Variants in OR8H1 observed in about 807,000 individuals in gnomAD.
OR8H1 encodes olfactory receptor family 8 subfamily H member 1, also known as olfactory receptor 8H1.
For synonymous variants in OR8H1, 135 were observed against 134.5 expected (o/e 1.00, Z -0.03); for missense variants, 388 against 374.1 (o/e 1.04, Z -0.31).
rs139389168 is a variant in OR8H1, at chr11:56,290,797, T to C, written c.266A>G (p.Asn89Ser). Residue 89 changes from asparagine to serine, a missense_variant, in exon 2 of 2, where the codon AAC becomes AGC. By Grantham distance (46) the Asn-to-Ser change is conservative. Coordinates refer to ENST00000641600, the MANE Select transcript of OR8H1 (RefSeq NM_001005199.2). ...PKTLANLLTS[N>S]YISFMGCFAQ... ...AAAGCAGCCCATGAAGGAAATATAG[T>C]TGGAAGTCAGTAAGTTCGCTAAGGT... 13 of 1,613,954 alleles carry C rather than the reference T, an allele frequency of 8.1e-6. No homozygotes were observed. The African/African-American group carries it at 1.6e-4, about 20-fold the overall frequency.
At chr11:56,291,690 C>A (rs1386905477) in intron 1 of OR8H1, among the ~76,000 whole-genome samples, 3 of 151,640 alleles carry the variant, frequency 2.0e-5, no homozygotes, top group Non-Finnish European at 4.4e-5. Context: ...AATTATAGAC[C>A]ATATATAAGT....
chr11:56,290,026 A>G lies in OR8H1; in HGVS notation c.*101T>C. Reference sequence around the variant, plus strand: ...CAAAGGTTAGCACAACAGAAATGCAAACATGAAGGATTCAATTGTTTTTAT... The same window carrying G: ...CAAAGGTTAGCACAACAGAAATGCAGACATGAAGGATTCAATTGTTTTTAT... On this transcript the variant is annotated 3_prime_UTR_variant, in exon 2 of 2. Coordinates refer to ENST00000641600, the MANE Select transcript of OR8H1 (RefSeq NM_001005199.2). 1 of 972,074 alleles carries G rather than the reference A, an allele frequency of 1.0e-6. No homozygotes were observed. The highest frequency in any genetic ancestry group is 1.7e-6 in the Non-Finnish European group (1 of 597,498). 60.2% of individuals were successfully genotyped at this position (972,074 alleles called of 1,614,324 possible).
chr11:56,290,034 G>A lies in OR8H1; in HGVS notation c.*93C>T, dbSNP rs1481907259. 2 of 1,006,850 alleles carry A rather than the reference G, an allele frequency of 2.0e-6. No homozygotes were observed. Among genetic ancestry groups the A allele is most frequent in the African/African-American group, 1.6e-5 (1 of 63,198 alleles). The allele number at this position is 1,006,850 out of a possible 1,614,324, so 62.4% of individuals were successfully genotyped here. A position where few individuals can be genotyped will look rare whatever the true frequency, so the allele number is the denominator to read the frequency against. On this transcript the variant is annotated 3_prime_UTR_variant, in exon 2 of 2. Coordinates refer to ENST00000641600, the MANE Select transcript of OR8H1 (RefSeq NM_001005199.2). ...AGCACAACAGAAATGCAAACATGAA[G>A]GATTCAATTGTTTTTATAGGGAGAC...
At position 56,290,598 on chromosome 11, in the gene OR8H1, G is replaced by T. The variant is rs868206411; in HGVS notation, c.465C>A (p.Ser155=). ...TGCTCATCCAAACCACATTGACAAA[G>T]GAGTTGATAAAGCTAATCACATAGG... The part of the protein sequence containing the change: ...TGPYVISFIN[S]FVNVVWMSRL... The change falls in exon 2 of 2, where the codon TCC becomes TCA. Residue 155 remains serine (S), a synonymous_variant. Coordinates refer to ENST00000641600, the MANE Select transcript of OR8H1 (RefSeq NM_001005199.2). 6.2e-7 allele frequency: 1 copy of T among 1,614,156 alleles called. No individual in the cohort carries two copies. Among genetic ancestry groups the T allele is most frequent in the South Asian group, 1.1e-5 (1 of 91,084 alleles).
chr11:56,289,186 G>A lies in OR8H1; in HGVS notation c.*941C>T, dbSNP rs370017754. ...AATGCAAGTCTTCTAATGAGAATAG[G>A]CAGCATTGATTATTGTCACCTTAAA... On this transcript the variant is annotated 3_prime_UTR_variant, in exon 2 of 2. Transcript: ENST00000641600. The A allele has an allele frequency of 1.4e-4, 22 of 152,172 alleles. No homozygotes were observed. The highest frequency in any genetic ancestry group is 4.8e-4 in the African/African-American group (20 of 41,548). The allele number at this position is 152,172 out of a possible 1,614,324, so 9.4% of individuals were successfully genotyped here.
At position 56,290,793 on chromosome 11, in the gene OR8H1, A is replaced by AAGTCAG. The variant is rs1466298908; in HGVS notation, c.269_270insCTGACT (p.Tyr90_Ile91insTer). On this transcript the variant is annotated stop_gained and inframe_insertion, in exon 2 of 2. Transcript: ENST00000641600. LOFTEE classifies it low-confidence loss of function (END_TRUNC). ...GGGCAAAGCAGCCCATGAAGGAAAT[A>AAGTCAG]TAGTTGGAAGTCAGTAAGTTCGCTA... 6.2e-7 allele frequency: 1 copy of AAGTCAG among 1,614,160 alleles called. No homozygotes were observed. The highest frequency in any genetic ancestry group is 2.2e-5 in the East Asian group (1 of 44,884).
chr11:56,291,796 G>A (rs1854156161), intron 1 of OR8H1, among the ~76,000 whole-genome samples, 155 bp downstream of exon 1: 1 of 152,002 alleles, frequency 6.6e-6, no homozygotes. Context: ...TTTGCTTGTA[G>A]ACTCTGATTC....
In OR8H1 at chr11:56,290,805, C is replaced by A. The variant is rs931659901; in HGVS notation, c.258G>T (p.Leu86=). Residue 86 remains leucine, a synonymous_variant, in exon 2 of 2, where the codon CTG becomes CTT. Transcript: ENST00000641600. ...CCATGAAGGAAATATAGTTGGAAGT[C>A]AGTAAGTTCGCTAAGGTTTTAGGTG... ...VITPKTLANL[L]TSNYISFMGC... is the part of the protein sequence containing the mutation. The A allele has an allele frequency of 7.4e-6, 12 of 1,613,962 alleles. No homozygotes were observed. Among genetic ancestry groups the A allele is most frequent in the Non-Finnish European group, 9.3e-6 (11 of 1,180,026 alleles).
In OR8H1 at chr11:56,290,910, C is replaced by T; in HGVS notation, c.153G>A (p.Leu51=). ...ACATGGGAGTGTGAAGCTGGAGGTC[C>T]AGGCGGATTATCAATATCATCCCCA... ...GNVGMILIIR[L]DLQLHTPMYF... is the part of the protein sequence containing the mutation. Residue 51 remains leucine (L), a synonymous_variant, in exon 2 of 2, where the codon CTG becomes CTA. Transcript: ENST00000641600. The T allele has an allele frequency of 6.2e-7, 1 of 1,614,092 alleles. No individual in the cohort carries two copies. The highest frequency in any genetic ancestry group is 8.5e-7 in the Non-Finnish European group (1 of 1,180,014).
chr11:56,289,909 C>A lies in OR8H1; in HGVS notation c.*218G>T. 3.5e-6 allele frequency: 2 copies of A among 578,016 alleles called. No homozygotes were observed. The highest frequency in any genetic ancestry group is 3.0e-5 in the East Asian group (1 of 32,892). 35.8% of individuals were successfully genotyped at this position (578,016 alleles called of 1,614,324 possible). A position where few individuals can be genotyped will look rare whatever the true frequency, so the allele number is the denominator to read the frequency against. ...TGCTGGGATTATAGGCATGAGCCACCGTGCCCGGCCAACACATATTATGAT... is the reference window on the plus strand; with the variant it reads ...TGCTGGGATTATAGGCATGAGCCACAGTGCCCGGCCAACACATATTATGAT... On this transcript the variant is annotated 3_prime_UTR_variant, in exon 2 of 2. Coordinates refer to ENST00000641600, the MANE Select transcript of OR8H1 (RefSeq NM_001005199.2).
rs1300475849 is a variant in OR8H1, at chr11:56,290,376, G to T, written c.687C>A (p.Ser229=). ...SILSTILKIN[S]TSGKQKALST... ...ACAAAGCTTTCTGCTTTCCTGAAGTGGAATTAATTTTCAGGATGGTAGAGA... is the reference window on the plus strand; with the variant it reads ...ACAAAGCTTTCTGCTTTCCTGAAGTTGAATTAATTTTCAGGATGGTAGAGA... The change falls in exon 2 of 2, where the codon TCC becomes TCA. Residue 229 remains serine (S), a synonymous_variant. Transcript: ENST00000641600. The T allele has an allele frequency of 3.7e-6, 6 of 1,613,986 alleles. No individual in the cohort carries two copies. The East Asian group carries it at 1.3e-4, about 36-fold the overall frequency.
In OR8H1 at chr11:56,290,884, T is replaced by C. The variant is rs1382090255; in HGVS notation, c.179A>G (p.Tyr60Cys). The change falls in exon 2 of 2, where the codon TAT becomes TGT. Residue 60 changes from tyrosine to cysteine, a missense_variant. Physicochemically the swap from Tyr to Cys is radical, Grantham distance 194. Transcript: ENST00000641600. ...RLDLQLHTPMYFFLTHLSFID... is the reference protein window; with the variant it reads ...RLDLQLHTPMCFFLTHLSFID... ...AAATGACAAGTGAGTAAGGAAAAAA[T>C]ACATGGGAGTGTGAAGCTGGAGGTC... is the stretch of plus-strand genomic sequence containing the variant. The C allele has an allele frequency of 1.2e-6, 2 of 1,614,006 alleles. No homozygotes were observed. Among genetic ancestry groups the C allele is most frequent in the East Asian group, 4.5e-5 (2 of 44,864 alleles).
intron 1 of OR8H1, 109 bp from the exon 2 acceptor site, chr11:56,291,193 T>C (rs965054971): frequency 9.0e-6 from 6 of 664,670 alleles, no homozygotes; most frequent in Non-Finnish European, 1.5e-5. Context: ...CTAATACATT[T>C]ATAGAATGTG....
At position 56,290,046 on chromosome 11, in the gene OR8H1, T is replaced by C; in HGVS notation, c.*81A>G. ...ATGCAAACATGAAGGATTCAATTGT[T>C]TTTATAGGGAGACCAAGGACATACC... On this transcript the variant is annotated 3_prime_UTR_variant, in exon 2 of 2. Transcript: ENST00000641600. 8.7e-7 allele frequency: 1 copy of C among 1,144,824 alleles called. No individual in the cohort carries two copies. The highest frequency in any genetic ancestry group is 1.3e-6 in the Non-Finnish European group (1 of 753,122). The allele number at this position is 1,144,824 out of a possible 1,614,324, so 70.9% of individuals were successfully genotyped here. A position where few individuals can be genotyped will look rare whatever the true frequency, so the allele number is the denominator to read the frequency against.
rs764162050 is a variant in OR8H1 at position 56,290,078 on chromosome 11, A to G, written c.*49T>C. 1.3e-5 allele frequency: 18 copies of G among 1,423,258 alleles called. No homozygotes were observed. The Admixed American group carries it at 1.5e-4, about 12-fold the overall frequency. The allele number at this position is 1,423,258 out of a possible 1,614,324, so 88.2% of individuals were successfully genotyped here. A position where few individuals can be genotyped will look rare whatever the true frequency, so the allele number is the denominator to read the frequency against. ...GGGAGACCAAGGACATACCAAATAG[A>G]AAAGAAAGAAAAGATGAGTTTAAAT... is the stretch of plus-strand genomic sequence containing the variant. On this transcript the variant is annotated 3_prime_UTR_variant, in exon 2 of 2. Transcript: ENST00000641600.
chr11:56,290,357 C>A lies in OR8H1; in HGVS notation c.706G>T (p.Ala236Ser). 6.2e-7 allele frequency: 1 copy of A among 1,614,122 alleles called. No individual in the cohort carries two copies. The change falls in exon 2 of 2, where the codon GCT becomes TCT. Residue 236 changes from alanine (A) to serine (S), a missense_variant. Transcript: ENST00000641600. ...AGATGAGAGGCACAAGTAGACAAAG[C>A]TTTCTGCTTTCCTGAAGTGGAATTA... is the stretch of plus-strand genomic sequence containing the variant. ...KINSTSGKQK[A>S]LSTCASHLLG...
At position 56,291,979 on chromosome 11, in the gene OR8H1, C is replaced by T. The variant is rs939098242; in HGVS notation, c.-51G>A. ...GTCTGAGCCAAAGTTGGTGAAAAAG[C>T]TTTCTTCTCATATTATCTGTCTAGA... On this transcript the variant is annotated 5_prime_UTR_variant, in exon 1 of 2. Transcript: ENST00000641600. 2.6e-5 allele frequency: 4 copies of T among 152,086 alleles called. No homozygotes were observed. The highest frequency in any genetic ancestry group is 2.6e-4 in the Admixed American group (4 of 15,254). The allele number at this position is 152,086 out of a possible 1,614,324, so 9.4% of individuals were successfully genotyped here. A position where few individuals can be genotyped will look rare whatever the true frequency, so the allele number is the denominator to read the frequency against.
chr11:56,291,640 A>T (rs1337396475), intron 1 of OR8H1, among the ~76,000 whole-genome samples: 1 of 152,162 alleles, frequency 6.6e-6, no homozygotes, highest in Admixed American at 6.5e-5. Context: ...GGTAATTTTA[A>T]ATAAATTTCA....
chr11:56,290,290 T>C lies in OR8H1; in HGVS notation c.773A>G (p.Tyr258Cys), dbSNP rs1002681186. 5.6e-6 allele frequency: 9 copies of C among 1,612,996 alleles called. No individual in the cohort carries two copies. Among genetic ancestry groups the C allele is most frequent in the South Asian group, 1.1e-5 (1 of 90,888 alleles). ...AGAATAAGACTTTCTTGGTTTTAAA[T>C]AAGTAAAAATCATAGTTCCATAAAA... is the stretch of plus-strand genomic sequence containing the variant. ...TIFYGTMIFT[Y>C]LKPRKSYSLG... The change falls in exon 2 of 2, where the codon TAT becomes TGT. Residue 258 changes from tyrosine (Y) to cysteine (C), a missense_variant. Physicochemically the swap from Tyr to Cys is radical, Grantham distance 194. Coordinates refer to ENST00000641600, the MANE Select transcript of OR8H1 (RefSeq NM_001005199.2).
Sources: allele counts gnomAD v4.1 joint callset (sites outside exome capture counted in the v4.1 genomes callset), GRCh38; gene constraint gnomAD v4.1.1; transcripts MANE v1.5; gene names NCBI Gene and HGNC (gene_info 2026-07-23, HGNC 2026-07-21).